The following NFIC variants were observed in gnomAD, a reference collection of about 807,000 sequenced individuals.
NFIC encodes nuclear factor 1 C-type.
In NFIC, 12 loss-of-function variants were observed where a neutral mutation model predicts 54.4. The observed-to-expected ratio is 0.22, with a 90% CI of 0.14 to 0.36. The LOEUF (loss-of-function observed/expected upper bound fraction) is 0.36, where lower values mean the gene tolerates loss of function less well. Among genes scored for constraint, NFIC ranks in the 10% least tolerant of loss-of-function variants. The probability of loss-of-function intolerance (pLI) is 1.00; values close to 1 mark genes in which losing one functional copy is unlikely to be tolerated. For synonymous variants in NFIC, 322 were observed against 319.2 expected, an observed-to-expected ratio of 1.01 and a Z score of -0.09; for missense variants, 575 against 718.2, an observed-to-expected ratio of 0.80 and a Z score of 2.28.
At chr19:3,450,409 A>G (rs1417184438) in intron 7 of NFIC, among the ~76,000 whole-genome samples, 1 of 150,338 alleles carries the variant, frequency 6.7e-6, no homozygotes, top group Non-Finnish European at 1.5e-5. Context: ...TAATCCCAGC[A>G]CTTTGGGAGG....
intron 2 of NFIC, among the ~76,000 whole-genome samples, chr19:3,394,843 T>C (rs567012810): frequency 3.6e-4 from 55 of 152,048 alleles, no homozygotes; most frequent in African/African-American, 1.2e-3. Context: ...GGTTGCGTGC[T>C]CCTTAGGAGA....
rs758255746 is a variant in NFIC, at chr19:3,449,114, C to T, written c.1059C>T (p.His353=). Residue 353 remains histidine, a synonymous_variant, in exon 7 of 11, where the codon CAC becomes CAT. Transcript: ENST00000443272. ...GCCTCTCCAGCTTCACCCAGCACCA[C>T]CGGCCCGTCATCGCCGTGCACAGCG... The part of the protein sequence containing the change: ...SPRLSSFTQH[H]RPVIAVHSGI... The T allele has an allele frequency of 2.5e-6, 4 of 1,613,688 alleles. No homozygotes were observed. In the East Asian group the frequency reaches 6.7e-5, roughly 27 times the overall value.
At position 3,446,423 on chromosome 19, in the gene NFIC, G is replaced by C. The variant is rs547724895; in HGVS notation, c.959-2591G>C. ...CTGGCATGAAGTGGGTGGTGGCCAG[G>C]GACTCTGCTCAGCACCCTGCAGTGC... On this transcript the variant is annotated intron_variant, in intron 6 of 10. Coordinates refer to ENST00000443272, the MANE Select transcript of NFIC (RefSeq NM_001245002.2). Among the ~76,000 whole-genome samples the C allele has an allele frequency of 3.4e-4, 51 of 152,202 alleles. No homozygotes were observed. The South Asian group carries it at 0.01, about 30-fold the overall frequency.
chr19:3,462,085 T>G (rs1309208492), intron 10 of NFIC, among the ~76,000 whole-genome samples: 1 of 146,796 alleles, frequency 6.8e-6, no homozygotes, highest in African/African-American at 2.5e-5. Flanking sequence ...TATAATAAAG[T>G]AAGATTGAGT....
intron 2 of NFIC, among the ~76,000 whole-genome samples, chr19:3,403,060 T>C (rs756607485): frequency 2.0e-5 from 3 of 152,210 alleles, no homozygotes; most frequent in Non-Finnish European, 4.4e-5. Context: ...ATCCCAAATA[T>C]TCATGCAACA....
chr19:3,410,080 G>A (rs1482575428), intron 2 of NFIC, among the ~76,000 whole-genome samples: 1 of 151,366 alleles, frequency 6.6e-6, no homozygotes, highest in Non-Finnish European at 1.5e-5. Context: ...TCGCTCCTTT[G>A]CACAGGCTGG....
rs539916342 is a variant in NFIC, at chr19:3,439,333, C to CAAAAAAAAAA, written c.958+4159_958+4168dup. ...GGGGCAACAGAGAAAGACCCTGTCT[C>CAAAAAAAAAA]AAAAAAAAAAAAAAAAAAAAAAAAA... On this transcript the variant is annotated intron_variant, in intron 6 of 10. Coordinates refer to ENST00000443272, the MANE Select transcript of NFIC (RefSeq NM_001245002.2). Among the ~76,000 whole-genome samples the CAAAAAAAAAA allele has an allele frequency of 2.6e-4, 6 of 23,326 alleles. 1 individual carries two copies. The highest frequency in any genetic ancestry group is 4.2e-4 in the Non-Finnish European group (5 of 11,962). 15.3% of individuals were successfully genotyped at this position (23,326 alleles called of 152,430 possible).
chr19:3,362,487 T>C (rs115692429), upstream of NFIC, among the ~76,000 whole-genome samples: 248 of 151,872 alleles, frequency 1.6e-3, 1 homozygote, highest in African/African-American at 5.6e-3. Flanking sequence ...AAGGCTGTGA[T>C]GATATATGGG....
chr19:3,403,264 C>A (rs2081585570), intron 2 of NFIC, among the ~76,000 whole-genome samples: 2 of 152,164 alleles, frequency 1.3e-5, no homozygotes, highest in South Asian at 4.1e-4. Flanking sequence ...CAGGTTTGTG[C>A]CCTCTGGTTT....
At position 3,434,282 on chromosome 19, in the gene NFIC, G is replaced by A. The variant is rs529235700; in HGVS notation, c.715G>A (p.Val239Met). The change falls in exon 5 of 11, where the codon GTG becomes ATG. Residue 239 changes from valine (V) to methionine (M), a missense_variant. By Grantham distance (21) the Val-to-Met change is conservative. This residue lies in a region of NFIC where 447 missense variants were observed against 526.9 expected (regional missense o/e 0.85). Transcript: ENST00000443272. ...TCCTCTGTCACCCTCTGCAGCACCC[G>A]TGGTGACTGGAACAGGACCCAACTT... ...TELIQVSRTP[V>M]VTGTGPNFSL... 177 of 1,610,366 alleles carry A rather than the reference G, an allele frequency of 1.1e-4. No individual in the cohort carries two copies. In the South Asian group the frequency reaches 1.3e-3, roughly 12 times the overall value.
rs764328299 is a variant in NFIC, at chr19:3,382,167, G to A, written c.486G>A (p.Leu162=). The A allele has an allele frequency of 5.6e-6, 9 of 1,612,664 alleles. No homozygotes were observed. Among genetic ancestry groups the A allele is most frequent in the Non-Finnish European group, 7.6e-6 (9 of 1,179,942 alleles). The change falls in exon 2 of 11, where the codon CTG becomes CTA. Residue 162 remains leucine, a synonymous_variant. Transcript: ENST00000443272. ...CTGCGCAGTGCGGTCACCCGGTCCTGTGCGTGCAGCCGCACCACATTGGCG... is the reference window on the plus strand; with the variant it reads ...CTGCGCAGTGCGGTCACCCGGTCCTATGCGTGCAGCCGCACCACATTGGCG... ...VKAAQCGHPV[L]CVQPHHIGVA...
upstream of NFIC, among the ~76,000 whole-genome samples, chr19:3,363,264 TA>T (rs1322020888): frequency 4.4e-3 from 298 of 67,540 alleles, 7 homozygotes; most frequent in Middle Eastern, 8.8e-3. Context: ...TATATATATA[TA>T]TATATTTTTT....
At chr19:3,421,625 G>A (rs1256346304) in intron 2 of NFIC, among the ~76,000 whole-genome samples, 1 of 152,226 alleles carries the variant, frequency 6.6e-6, no homozygotes, top group African/African-American at 2.4e-5. Flanking sequence ...CCCTGCTCCT[G>A]TGCTGTTCAT....
chr19:3,405,791 A>G (rs1048245204), intron 2 of NFIC, among the ~76,000 whole-genome samples: 1 of 151,898 alleles, frequency 6.6e-6, no homozygotes, highest in African/African-American at 2.4e-5. Flanking sequence ...TAGTAGAGAC[A>G]GGGGTCTCAC....
rs577677683 is a variant in NFIC at position 3,375,964 on chromosome 19, C to T, written c.31-5748C>T. 1.4e-3 allele frequency among the ~76,000 whole-genome samples: 220 copies of T among 152,144 alleles called. 1 individual carries two copies. The highest frequency in any genetic ancestry group is 4.9e-3 in the African/African-American group (205 of 41,522). Reference sequence around the variant, plus strand: ...AACAGGCTGTTCTGAGAAAGGGACCCGTGGCCTTCCAGGGGGTCAGGGCCC... The same window carrying T: ...AACAGGCTGTTCTGAGAAAGGGACCTGTGGCCTTCCAGGGGGTCAGGGCCC... On this transcript the variant is annotated intron_variant, in intron 1 of 10. Transcript: ENST00000443272. This position sits in a 1 kb window ranked among gnomAD's most constrained non-coding sequence, Gnocchi z 4.6.
intron 2 of NFIC, among the ~76,000 whole-genome samples, chr19:3,412,852 G>C (rs2081787199): frequency 6.6e-6 from 1 of 152,120 alleles, no homozygotes; most frequent in Non-Finnish European, 1.5e-5. Flanking sequence ...AAATTTCTCT[G>C]GCCTGGCTGA....
At position 3,458,145 on chromosome 19, in the gene NFIC, C is replaced by T. The variant is rs148444878; in HGVS notation, c.1509+1510C>T. On this transcript the variant is annotated intron_variant, in intron 10 of 10. Transcript: ENST00000443272. The surrounding 1 kb of genome is among the most constrained non-coding windows in gnomAD (Gnocchi z 4.1). ...ACCCCGTAAATATTAAGTACCCTGC[C>T]TTGCACCCATAGAGCCCCGGAGAGG... is the stretch of plus-strand genomic sequence containing the variant. Among the ~76,000 whole-genome samples, 274 of 152,324 alleles carry T rather than the reference C, an allele frequency of 1.8e-3. 2 individuals carry two copies. Among genetic ancestry groups the T allele is most frequent in the African/African-American group, 5.4e-3 (224 of 41,566 alleles).
chr19:3,430,931 C>CAAAAAAAAAAAAA (rs59760975), intron 3 of NFIC, among the ~76,000 whole-genome samples: 60 of 80,030 alleles, frequency 7.5e-4, no homozygotes, highest in African/African-American at 1.3e-3. Flanking sequence ...GACTCCGTCT[C>CAAAAAAAAAAAAA]AAAAAAAAAA....
At chr19:3,398,991 C>T (rs942771695) in intron 2 of NFIC, among the ~76,000 whole-genome samples, 5 of 152,366 alleles carry the variant, frequency 3.3e-5, no homozygotes, top group African/African-American at 9.6e-5. Flanking sequence ...TTCCCCAGGG[C>T]GGGGGTTCAG....
Sources: allele counts gnomAD v4.1 joint callset (sites outside exome capture counted in the v4.1 genomes callset), GRCh38; gene constraint gnomAD v4.1.1; regional missense constraint gnomAD v4.1.1; non-coding constraint Gnocchi (gnomAD v3.1); transcripts MANE v1.5; gene names NCBI Gene and HGNC (gene_info 2026-07-23, HGNC 2026-07-21).